The following PTBP3 variants were observed in gnomAD, a reference collection of about 807,000 sequenced individuals.
PTBP3 encodes the protein polypyrimidine tract-binding protein 3.
Under a neutral mutation model 58.7 loss-of-function variants are expected in PTBP3, and 20 were observed. The observed-to-expected ratio is 0.34, with a 90% CI of 0.24 to 0.50. The LOEUF (loss-of-function observed/expected upper bound fraction) is 0.50. PTBP3 is among the 20% of genes least tolerant of loss of function. PTBP3 has a pLI of 0.98. For missense variants in PTBP3, 509 were observed against 637.2 expected (o/e 0.80, Z 2.17); for synonymous variants, 185 against 219.8 (o/e 0.84, Z 1.40).
At chr9:112,290,703 T>G (rs375433541) in intron 2 of PTBP3, among the ~76,000 whole-genome samples, 3 of 64,632 alleles carry the variant, frequency 4.6e-5, no homozygotes, top group African/African-American at 2.7e-4. Context: ...TATATATATA[T>G]ATATACACAC....
chr9:112,256,405 CTTGTCTTAATCAT>C (rs1425749262), intron 5 of PTBP3, among the ~76,000 whole-genome samples: 2 of 150,702 alleles, frequency 1.3e-5, no homozygotes, highest in African/African-American at 4.9e-5. Flanking sequence ...AGGAATATAC[CTTGTCTTAATCAT>C]TTCTGCATCA....
chr9:112,309,812 A>G (rs994739551), intron 1 of PTBP3, among the ~76,000 whole-genome samples: 3 of 152,238 alleles, frequency 2.0e-5, no homozygotes, highest in Admixed American at 1.3e-4. Flanking sequence ...AAATTGAGTA[A>G]TAACTATAGA....
intron 5 of PTBP3, among the ~76,000 whole-genome samples, chr9:112,261,661 T>C (rs1836600851): frequency 6.6e-6 from 1 of 152,244 alleles, no homozygotes; most frequent in Non-Finnish European, 1.5e-5. Context: ...ATTTTGGGGC[T>C]ATATGTCAAA....
upstream of PTBP3, among the ~76,000 whole-genome samples, chr9:112,334,651 CAACT>C (rs1830530849): frequency 6.6e-6 from 1 of 152,178 alleles, no homozygotes; most frequent in African/African-American, 2.4e-5. Context: ...ATTTGAAAAG[CAACT>C]AACAAGAACC....
chr9:112,286,990 C>G (rs1305606246), intron 2 of PTBP3, among the ~76,000 whole-genome samples: 3 of 151,962 alleles, frequency 2.0e-5, no homozygotes, highest in Non-Finnish European at 2.9e-5. Context: ...AATCTTTATT[C>G]TTTTGAAGGA....
chr9:112,247,224 T>C (rs931586276), intron 7 of PTBP3, among the ~76,000 whole-genome samples: 3 of 149,862 alleles, frequency 2.0e-5, no homozygotes, highest in Non-Finnish European at 4.4e-5. Flanking sequence ...TGTGATCACA[T>C]CACTGCACTT....
At chr9:112,332,893 C>T (rs778314669) in intron 1 of PTBP3, 8 of 1,599,404 alleles carry the variant, frequency 5.0e-6, no homozygotes, top group Non-Finnish European at 6.8e-6. Flanking sequence ...ACGTATCTCA[C>T]AGCACAAGTC....
chr9:112,378,551 C>T, the PTBP3 span, among the ~76,000 whole-genome samples: 1 of 152,214 alleles, frequency 6.6e-6, no homozygotes, highest in Non-Finnish European at 1.5e-5. Context: ...TAAGAATTCA[C>T]TCTATTCGAC....
intron 2 of PTBP3, among the ~76,000 whole-genome samples, chr9:112,289,741 G>A (rs944550762): frequency 2.6e-5 from 4 of 151,792 alleles, no homozygotes; most frequent in Non-Finnish European, 4.4e-5. Flanking sequence ...GTGATTACGT[G>A]ATTATGTGAT....
chr9:112,340,432 T>C, the PTBP3 span, among the ~76,000 whole-genome samples: 2 of 152,218 alleles, frequency 1.3e-5, no homozygotes, highest in Non-Finnish European at 2.9e-5. Flanking sequence ...GTCTATTCTC[T>C]CCAATCATAG....
rs748905723 is a variant in PTBP3 at position 112,252,669 on chromosome 9, C to G, written c.627+9G>C. ...AACAATTGAAAAATGAAACAAAGAT[C>G]ATAATTACCATTTTGGCATAATGTG... On this transcript the variant is annotated intron_variant, in intron 6 of 13. Transcript: ENST00000374257. The G allele has an allele frequency of 5.0e-5, 78 of 1,548,358 alleles. No individual in the cohort carries two copies. In the Middle Eastern group the frequency reaches 1.3e-3, roughly 27 times the overall value.
chr9:112,296,876 A>T (rs941893789), intron 2 of PTBP3, among the ~76,000 whole-genome samples: 3 of 152,172 alleles, frequency 2.0e-5, no homozygotes, highest in African/African-American at 7.2e-5. Flanking sequence ...TTATTCAAAC[A>T]TTCAATTAAT....
the PTBP3 span, among the ~76,000 whole-genome samples, chr9:112,377,879 C>T: frequency 6.6e-6 from 1 of 152,210 alleles, no homozygotes; most frequent in African/African-American, 2.4e-5. Flanking sequence ...TACATCTAAT[C>T]ATTAGTTACA....
intron 1 of PTBP3, among the ~76,000 whole-genome samples, chr9:112,300,015 C>T (rs145697225): frequency 5.9e-5 from 9 of 152,170 alleles, no homozygotes; most frequent in African/African-American, 1.7e-4. Context: ...GATATTTGAC[C>T]GCATCCTCAT....
intron 2 of PTBP3, among the ~76,000 whole-genome samples, chr9:112,277,094 A>G (rs1400946443): frequency 6.6e-6 from 1 of 152,170 alleles, no homozygotes; most frequent in Admixed American, 6.5e-5. Flanking sequence ...TAATATAGCT[A>G]TATTTCGTAT....
chr9:112,303,622 T>C (rs1829043687), intron 1 of PTBP3, among the ~76,000 whole-genome samples: 2 of 151,898 alleles, frequency 1.3e-5, no homozygotes, highest in African/African-American at 2.4e-5. Context: ...TCCCAGCACT[T>C]TGGGAGGCTG....
intron 7 of PTBP3, among the ~76,000 whole-genome samples, chr9:112,244,595 C>T (rs1181326020): frequency 6.6e-6 from 1 of 151,886 alleles, no homozygotes; most frequent in African/African-American, 2.4e-5. Flanking sequence ...GGGAGGACTG[C>T]CTGAGCCTGG....
At chr9:112,260,715 T>A in intron 5 of PTBP3, among the ~76,000 whole-genome samples, 2 of 152,104 alleles carry the variant, frequency 1.3e-5, no homozygotes, top group Admixed American at 1.3e-4. Context: ...GTAATGAAGA[T>A]AAAGAGATGG....
chr9:112,285,134 G>T (rs1828055307), intron 2 of PTBP3, among the ~76,000 whole-genome samples: 2 of 152,332 alleles, frequency 1.3e-5, no homozygotes, highest in South Asian at 4.1e-4. Flanking sequence ...TGTTGAGGGG[G>T]AGACCTGGTG....
Sources: gnomAD v4.1 joint callset for allele counts (sites outside exome capture counted in the v4.1 genomes callset) on GRCh38, gnomAD v4.1.1 for gene constraint, MANE v1.5 for transcripts, NCBI Gene and HGNC (gene_info 2026-07-23, HGNC 2026-07-21) for gene names.